SLC1A7: variants seen among roughly 807,000 people sequenced by gnomAD.
SLC1A7 encodes solute carrier family 1 member 7.
A neutral mutation model predicts 47.7 loss-of-function variants in SLC1A7; 40 were observed. That is an observed-to-expected ratio of 0.84 (90% CI 0.65 to 1.09). SLC1A7 has a LOEUF of 1.09. Ranked by LOEUF, SLC1A7 falls within the 50% of genes least tolerant of loss-of-function variation. The probability of loss-of-function intolerance (pLI) is 0.00; values close to 1 mark genes in which losing one functional copy is unlikely to be tolerated. For missense variants in SLC1A7, 746 were observed against 769.5 expected, an observed-to-expected ratio of 0.97 and a Z score of 0.36; for synonymous variants, 323 against 325.6, an observed-to-expected ratio of 0.99 and a Z score of 0.09.
intron 3 of SLC1A7, chr1:53,108,265 C>T: frequency 3.3e-6 from 1 of 300,750 alleles, no homozygotes; most frequent in Non-Finnish European, 6.2e-6. Flanking sequence ...TAACCCTCTT[C>T]CCCTCTTTCA....
At chr1:53,092,300 G>A (rs1644430223) in intron 7 of SLC1A7, among the ~76,000 whole-genome samples, 1 of 152,266 alleles carries the variant, frequency 6.6e-6, no homozygotes, top group African/African-American at 2.4e-5. Flanking sequence ...TGTCTGCCCT[G>A]GCGCGTCGAG....
chr1:53,134,130 T>C (rs908416147), intron 2 of SLC1A7, among the ~76,000 whole-genome samples: 4 of 152,186 alleles, frequency 2.6e-5, no homozygotes, highest in Admixed American at 2.6e-4. Context: ...AAATCACCTG[T>C]TCTATCCACT....
intron 1 of SLC1A7, 24 bp downstream of exon 1, chr1:53,142,291 C>G: frequency 6.5e-7 from 1 of 1,549,884 alleles, no homozygotes; most frequent in Non-Finnish European, 8.7e-7. Flanking sequence ...GGACAGGGGT[C>G]CCGAGATGCT....
intron 7 of SLC1A7, 42 bp downstream of exon 7, chr1:53,092,512 C>T (rs777459809): frequency 2.1e-6 from 3 of 1,429,020 alleles, no homozygotes; most frequent in South Asian, 2.3e-5. Flanking sequence ...CAGGGCTCAG[C>T]CCCTCCCAGC....
At chr1:53,113,375 C>T (rs1409353439) in intron 3 of SLC1A7, among the ~76,000 whole-genome samples, 1 of 152,110 alleles carries the variant, frequency 6.6e-6, no homozygotes, top group Non-Finnish European at 1.5e-5. Flanking sequence ...TAGACTCCCC[C>T]ATGAGATTCT....
Position 53,114,818 on chromosome 1 carries a change from G to A in SLC1A7, c.371C>T (p.Thr124Ile), listed in dbSNP as rs1484527906. ...IHPGSAAQKETTEQSGKPIMS... is the reference protein window; with the variant it reads ...IHPGSAAQKEITEQSGKPIMS... ...GATGGGCTTCCCACTCTGCTCCGTG[G>A]TCTCCTTCTGGGCCGCGCTGCCTGG... The change falls in exon 3 of 11, where the codon ACC (threonine) becomes ATC (isoleucine). Residue 124 changes from threonine (T) to isoleucine (I), a missense_variant. By Grantham distance (89) the Thr-to-Ile change is moderately conservative. Coordinates refer to ENST00000371494, the MANE Select transcript of SLC1A7 (RefSeq NM_006671.6). 25 of 1,614,074 alleles carry A rather than the reference G, an allele frequency of 1.5e-5. No individual in the cohort carries two copies. Among genetic ancestry groups the A allele is most frequent in the Non-Finnish European group, 2.1e-5 (25 of 1,180,026 alleles).
chr1:53,123,366 G>A (rs1264178602), intron 2 of SLC1A7, among the ~76,000 whole-genome samples: 1 of 152,178 alleles, frequency 6.6e-6, no homozygotes, highest in Non-Finnish European at 1.5e-5. Flanking sequence ...CCTCTCTCCA[G>A]TGCAGCGGTT....
chr1:53,115,268 A>G, intron 2 of SLC1A7: 2 of 481,600 alleles, frequency 4.2e-6, no homozygotes, highest in Non-Finnish European at 7.5e-6. Flanking sequence ...GGGGAGTGAG[A>G]GATTAATTAA....
At chr1:53,128,332 C>T (rs1456441271) in intron 2 of SLC1A7, among the ~76,000 whole-genome samples, 3 of 152,194 alleles carry the variant, frequency 2.0e-5, no homozygotes, top group Non-Finnish European at 4.4e-5. Flanking sequence ...AAAAAATTAG[C>T]TGGGCATGGT....
At chr1:53,100,176 T>G (rs1644555751) in intron 5 of SLC1A7, among the ~76,000 whole-genome samples, 1 of 141,168 alleles carries the variant, frequency 7.1e-6, no homozygotes, top group Admixed American at 7.0e-5. Context: ...ACCACCTCAG[T>G]ACATTCACAC....
In SLC1A7 at chr1:53,116,452, GT is replaced by G. The variant is rs368927921; in HGVS notation, c.216-1480del. On this transcript the variant is annotated intron_variant, in intron 2 of 10. Coordinates refer to ENST00000371494, the MANE Select transcript of SLC1A7 (RefSeq NM_006671.6). ...TGGTAGCAGACTGCTGAGTGAAGGAGTGAGTGAATGAATGAATGAGTGTTTA... is the reference window on the plus strand; with the variant it reads ...TGGTAGCAGACTGCTGAGTGAAGGAGGAGTGAATGAATGAATGAGTGTTTA... Among the ~76,000 whole-genome samples the G allele has an allele frequency of 6.6e-3, 1,008 of 152,362 alleles. 4 individuals carry two copies. Among genetic ancestry groups the G allele is most frequent in the Non-Finnish European group, 0.011 (733 of 68,040 alleles).
At chr1:53,139,783 T>C (rs1278114871) in intron 1 of SLC1A7, among the ~76,000 whole-genome samples, 2 of 152,196 alleles carry the variant, frequency 1.3e-5, no homozygotes, top group African/African-American at 4.8e-5. Context: ...TGTCTCCTTT[T>C]ATATTCTCTT....
Position 53,092,567 on chromosome 1 carries a change from C to T in SLC1A7, c.1018G>A (p.Ala340Thr), listed in dbSNP as rs371287501. The T allele has an allele frequency of 4.3e-6, 7 of 1,613,520 alleles. No homozygotes were observed. Among genetic ancestry groups the T allele is most frequent in the Non-Finnish European group, 5.9e-6 (7 of 1,179,472 alleles). ...GILQALLIAL[A>T]TSSSSATLPI... ...CCCCGGGGCTACCTGGAGGAGGTGGCCAGCGCGATGAGCAGAGCCTGCAGG... is the reference window on the plus strand; with the variant it reads ...CCCCGGGGCTACCTGGAGGAGGTGGTCAGCGCGATGAGCAGAGCCTGCAGG... Residue 340 changes from alanine to threonine, a missense_variant, in exon 7 of 11, where the codon GCC (alanine) becomes ACC (threonine). Transcript: ENST00000371494.
intron 3 of SLC1A7, among the ~76,000 whole-genome samples, chr1:53,109,618 G>A (rs1427557926): frequency 6.6e-6 from 1 of 152,146 alleles, no homozygotes; most frequent in Non-Finnish European, 1.5e-5. Flanking sequence ...ACTTGCCCTG[G>A]TTCTCAGTTC....
intron 2 of SLC1A7, among the ~76,000 whole-genome samples, chr1:53,126,131 G>A (rs565961768): frequency 8.5e-5 from 13 of 152,310 alleles, no homozygotes; most frequent in African/African-American, 3.1e-4. Flanking sequence ...AACACCAGAT[G>A]AGAGCATCAG....
chr1:53,112,616 G>T (rs1644712051), intron 3 of SLC1A7, among the ~76,000 whole-genome samples: 1 of 152,216 alleles, frequency 6.6e-6, no homozygotes, highest in African/African-American at 2.4e-5. Flanking sequence ...AGAGACCTTG[G>T]CTTGAGTCTC....
At chr1:53,098,648 C>T in intron 5 of SLC1A7, among the ~76,000 whole-genome samples, 1 of 151,242 alleles carries the variant, frequency 6.6e-6, no homozygotes, top group African/African-American at 2.4e-5. Flanking sequence ...ACACACACCA[C>T]CTCGGTACAC....
chr1:53,134,293 A>G lies in SLC1A7; in HGVS notation c.215+57T>C, dbSNP rs1384975759. 6 of 1,302,078 alleles carry G rather than the reference A, an allele frequency of 4.6e-6. No homozygotes were observed. The Admixed American group carries it at 1.1e-4, about 23-fold the overall frequency. 80.7% of individuals were successfully genotyped at this position (1,302,078 alleles called of 1,614,324 possible). Reference sequence around the variant, plus strand: ...CCCACAGCAGGAGCAGGGCAGCAACAGAAGCCATCCTCTACCCTCCTGGTT... The same window carrying G: ...CCCACAGCAGGAGCAGGGCAGCAACGGAAGCCATCCTCTACCCTCCTGGTT... On this transcript the variant is annotated intron_variant, in intron 2 of 10. Transcript: ENST00000371494.
intron 5 of SLC1A7, among the ~76,000 whole-genome samples, chr1:53,097,981 C>T (rs1032682459): frequency 1.4e-4 from 18 of 131,816 alleles, no homozygotes; most frequent in Non-Finnish European, 8.3e-5. Context: ...CACCACAACT[C>T]GGTACACTCA....
Sources: allele counts gnomAD v4.1 joint callset (sites outside exome capture counted in the v4.1 genomes callset), GRCh38; gene constraint gnomAD v4.1.1; transcripts MANE v1.5; gene names NCBI Gene and HGNC (gene_info 2026-07-23, HGNC 2026-07-21).